The following SASH1 variants were observed in gnomAD, a reference collection of about 807,000 sequenced individuals.
SASH1 encodes the protein SAM and SH3 domain containing 1.
In SASH1, 44 loss-of-function variants were observed where a neutral mutation model predicts 125.2. The ratio of observed to expected loss-of-function variants is 0.35; its 90% CI spans 0.28 to 0.45. The LOEUF (loss-of-function observed/expected upper bound fraction) is 0.45, where lower values mean the gene tolerates loss of function less well. Among genes scored for constraint, SASH1 ranks in the 20% least tolerant of loss-of-function variants. The pLI is 1.00. For missense variants in SASH1, 1,426 were observed against 1,614.5 expected (o/e 0.88, Z 2.00); for synonymous variants, 639 against 649.1 (o/e 0.98, Z 0.24).
chr6:148,198,520 C>T, the SASH1 span, among the ~76,000 whole-genome samples: 1 of 152,116 alleles, frequency 6.6e-6, no homozygotes. Context: ...TTATATTTGA[C>T]ATAAATAAAG....
At chr6:148,356,461 T>C (rs1781939290) in intron 1 of SASH1, among the ~76,000 whole-genome samples, 1 of 150,484 alleles carries the variant, frequency 6.6e-6, no homozygotes, top group Non-Finnish European at 1.5e-5. Context: ...AGGAGTGGGA[T>C]TGCTGCATCA....
At position 148,291,688 on chromosome 6, in the gene SASH1, C is replaced by T. The variant is rs146531283; in HGVS notation, n.74+19311C>T. On this transcript the variant is annotated intron_variant and non_coding_transcript_variant, in intron 1 of 3. Coordinates refer to the SASH1 transcript ENST00000367469. ...GACAAAGTATCAAAAAACAAACAAA[C>T]AACAACAACAACAAACAGTGTATTT... Among the ~76,000 whole-genome samples the T allele has an allele frequency of 5.9e-3, 899 of 151,794 alleles. 10 individuals carry two copies. Among genetic ancestry groups the T allele is most frequent in the African/African-American group, 0.021 (869 of 41,394 alleles).
At chr6:148,459,145 A>G (rs1222522802) in intron 4 of SASH1, among the ~76,000 whole-genome samples, 3 of 152,314 alleles carry the variant, frequency 2.0e-5, no homozygotes, top group South Asian at 4.1e-4. Context: ...TGTTGTTAGT[A>G]TCAAAGCTGG....
At chr6:148,364,670 A>G (rs1356601871) in intron 1 of SASH1, among the ~76,000 whole-genome samples, 2 of 152,192 alleles carry the variant, frequency 1.3e-5, no homozygotes, top group African/African-American at 2.4e-5. Context: ...GGTCAAGATG[A>G]GAATAGGTTC....
At chr6:148,417,181 C>T (rs1372782366) in intron 2 of SASH1, among the ~76,000 whole-genome samples, 2 of 152,100 alleles carry the variant, frequency 1.3e-5, no homozygotes, top group Non-Finnish European at 2.9e-5. Flanking sequence ...CACTTGGGTA[C>T]AGGCTAGAGA....
intron 4 of SASH1, among the ~76,000 whole-genome samples, chr6:148,467,220 C>G (rs1777884640): frequency 6.6e-6 from 1 of 151,574 alleles, no homozygotes; most frequent in Admixed American, 6.6e-5. Context: ...CCTCAGCCTC[C>G]CGAGTAGCTA....
At chr6:148,442,417 T>C (rs1233152773) in intron 4 of SASH1, among the ~76,000 whole-genome samples, 1 of 152,116 alleles carries the variant, frequency 6.6e-6, no homozygotes, top group African/African-American at 2.4e-5. Flanking sequence ...TTAAAATAAA[T>C]TTAAAGTTAC....
the SASH1 span, among the ~76,000 whole-genome samples, chr6:148,229,502 T>C: frequency 1.3e-5 from 2 of 152,170 alleles, no homozygotes; most frequent in African/African-American, 4.8e-5. Flanking sequence ...TTATATAGCT[T>C]ATGATAGAGG....
intron 1 of SASH1, chr6:148,379,884 G>T (rs547623575): frequency 2.2e-6 from 1 of 456,404 alleles, no homozygotes; most frequent in African/African-American, 2.0e-5. Flanking sequence ...CGCTGATCTT[G>T]TTCCATCTAT....
intron 2 of SASH1, among the ~76,000 whole-genome samples, chr6:148,411,114 G>A (rs1784608136): frequency 1.6e-5 from 2 of 128,646 alleles, no homozygotes; most frequent in Admixed American, 1.9e-4. Flanking sequence ...AGCTGAGATC[G>A]TGCCACTGCA....
At chr6:148,374,285 A>G (rs1238527545) in intron 1 of SASH1, among the ~76,000 whole-genome samples, 1 of 152,220 alleles carries the variant, frequency 6.6e-6, no homozygotes, top group Non-Finnish European at 1.5e-5. Context: ...TAAATCCAGG[A>G]ATATGAATGG....
chr6:148,465,567 G>T (rs200334956), intron 4 of SASH1, among the ~76,000 whole-genome samples: 2 of 143,288 alleles, frequency 1.4e-5, no homozygotes, highest in African/African-American at 2.6e-5. Context: ...AAAAAAAAAA[G>T]ACATCCCTAG....
chr6:148,341,824 G>T (rs941362399), upstream of SASH1, among the ~76,000 whole-genome samples: 2 of 152,102 alleles, frequency 1.3e-5, no homozygotes, highest in African/African-American at 4.8e-5. Flanking sequence ...ACTCCATGTG[G>T]TTTCTTAACT....
chr6:148,458,305 C>T (rs768002042), intron 4 of SASH1, among the ~76,000 whole-genome samples: 3 of 152,188 alleles, frequency 2.0e-5, no homozygotes, highest in Non-Finnish European at 1.5e-5. Context: ...AAACATCTCA[C>T]GATAAAGTTC....
chr6:148,302,036 C>T (rs1389994180), intron 1 of SASH1, among the ~76,000 whole-genome samples: 1 of 151,504 alleles, frequency 6.6e-6, no homozygotes, highest in Non-Finnish European at 1.5e-5. Context: ...TAGTAATAGG[C>T]CGGGCGTGGC....
At chr6:148,432,365 C>T (rs1466529733) in intron 2 of SASH1, among the ~76,000 whole-genome samples, 1 of 152,196 alleles carries the variant, frequency 6.6e-6, no homozygotes, top group Non-Finnish European at 1.5e-5. Flanking sequence ...GTGAAGAACA[C>T]ATATAATGTA....
At chr6:148,484,916 C>T (rs1285021510) in intron 7 of SASH1, among the ~76,000 whole-genome samples, 2 of 152,136 alleles carry the variant, frequency 1.3e-5, no homozygotes, top group African/African-American at 2.4e-5. Flanking sequence ...GCACTCCAGC[C>T]TGGACAACAG....
the SASH1 span, among the ~76,000 whole-genome samples, chr6:148,256,353 G>A: frequency 2.0e-5 from 3 of 152,136 alleles, no homozygotes; most frequent in Admixed American, 1.3e-4. Context: ...ACTTTATAAA[G>A]TGCTTTAATT....
At chr6:148,470,952 A>G (rs1165022693) in intron 5 of SASH1, among the ~76,000 whole-genome samples, 1 of 152,168 alleles carries the variant, frequency 6.6e-6, no homozygotes, top group Non-Finnish European at 1.5e-5. Context: ...TCTTGTTGTT[A>G]AATCTGGAAT....
Sources: gnomAD v4.1 joint callset for allele counts (sites outside exome capture counted in the v4.1 genomes callset) on GRCh38, gnomAD v4.1.1 for gene constraint, MANE v1.5 for transcripts, NCBI Gene and HGNC (gene_info 2026-07-23, HGNC 2026-07-21) for gene names.